Variants in PHACTR4 observed in about 807,000 individuals in gnomAD.
The protein encoded by PHACTR4 is protein phosphatase 1, regulatory subunit 124.
A neutral mutation model predicts 72.7 loss-of-function variants in PHACTR4; 51 were observed. That is an observed-to-expected ratio of 0.70 (90% CI 0.56 to 0.89). The LOEUF is 0.89. PHACTR4 is among the 40% of genes least tolerant of loss of function. The probability of loss-of-function intolerance (pLI) is 0.00; values close to 1 mark genes in which losing one functional copy is unlikely to be tolerated. For synonymous variants in PHACTR4, 255 were observed against 302.5 expected (o/e 0.84, Z 1.63); for missense variants, 731 against 861.8 (o/e 0.85, Z 1.90).
rs935170666 is a variant in PHACTR4 at position 28,476,512 on chromosome 1, G to A, written c.1606+221G>A. On this transcript the variant is annotated intron_variant, in intron 8 of 13. Transcript: ENST00000373839. Reference sequence around the variant, plus strand: ...GGATCCAAGTAGATTGAGTCACTCAGGTTTTAGGTTTTTTGTTTTTTTTTG... The same window carrying A: ...GGATCCAAGTAGATTGAGTCACTCAAGTTTTAGGTTTTTTGTTTTTTTTTG... Among the ~76,000 whole-genome samples, 9 of 150,520 alleles carry A rather than the reference G, an allele frequency of 6.0e-5. No homozygotes were observed. In the Middle Eastern group the frequency reaches 0.01, roughly 172 times the overall value.
intron 4 of PHACTR4, among the ~76,000 whole-genome samples, chr1:28,465,340 G>C (rs1376360113): frequency 6.6e-6 from 1 of 152,022 alleles, no homozygotes; most frequent in Non-Finnish European, 1.5e-5. Context: ...CAGGCGTCTA[G>C]TCCCAGATAC....
At chr1:28,450,647 T>A (rs1269248454) in intron 2 of PHACTR4, among the ~76,000 whole-genome samples, 1 of 152,084 alleles carries the variant, frequency 6.6e-6, no homozygotes, top group Non-Finnish European at 1.5e-5. Context: ...TGAGGCAGGT[T>A]CTCCCTCTGT....
chr1:28,496,523 A>G lies in PHACTR4; in HGVS notation c.2094-11A>G. ...CATGTGGTAACTTGTCTCTTTTTTA[A>G]TCTCTTTTAGCTACCATCGTCCATG... On this transcript the variant is annotated splice_polypyrimidine_tract_variant and intron_variant, in intron 13 of 13. Coordinates refer to ENST00000373839, the MANE Select transcript of PHACTR4 (RefSeq NM_001048183.3). The G allele has an allele frequency of 6.2e-7, 1 of 1,613,740 alleles. No individual in the cohort carries two copies. The highest frequency in any genetic ancestry group is 1.1e-5 in the South Asian group (1 of 91,076).
At chr1:28,404,275 C>CT (rs1654156518) in intron 1 of PHACTR4, among the ~76,000 whole-genome samples, 11 of 123,016 alleles carry the variant, frequency 8.9e-5, no homozygotes, top group African/African-American at 3.7e-4. Flanking sequence ...GTATGAACAT[C>CT]CTTTTTTTTT....
intron 6 of PHACTR4, among the ~76,000 whole-genome samples, chr1:28,469,678 ATC>A (rs146415581): frequency 0.063 from 9,531 of 152,266 alleles, 394 homozygotes; most frequent in Middle Eastern, 0.15. Flanking sequence ...TTCCAAAAAT[ATC>A]TCTTTCACTG....
At chr1:28,370,657 C>T (rs796865584) in intron 1 of PHACTR4, among the ~76,000 whole-genome samples, 1 of 150,426 alleles carries the variant, frequency 6.6e-6, no homozygotes, top group East Asian at 1.9e-4. Flanking sequence ...CTCAGCTCCT[C>T]GCTCCTTCCA....
chr1:28,402,524 G>A (rs1355600771), intron 1 of PHACTR4, among the ~76,000 whole-genome samples: 1 of 152,074 alleles, frequency 6.6e-6, no homozygotes. Flanking sequence ...GGCCAAGATG[G>A]GAGGATCACT....
chr1:28,402,112 AAG>A (rs534769028), intron 1 of PHACTR4, among the ~76,000 whole-genome samples: 1 of 152,302 alleles, frequency 6.6e-6, no homozygotes, highest in East Asian at 1.9e-4. Context: ...CTGTGAGAGA[AAG>A]AGAAGAGTCA....
At chr1:28,476,994 TC>T (rs1454488167) in intron 8 of PHACTR4, among the ~76,000 whole-genome samples, 1 of 151,366 alleles carries the variant, frequency 6.6e-6, no homozygotes, top group African/African-American at 2.4e-5. Flanking sequence ...GGTCTCAAAC[TC>T]CCGACCTCAG....
intron 2 of PHACTR4, among the ~76,000 whole-genome samples, chr1:28,415,474 A>G (rs1164438202): frequency 6.6e-6 from 1 of 152,156 alleles, no homozygotes; most frequent in Non-Finnish European, 1.5e-5. Flanking sequence ...TTCTCCCAAG[A>G]GCATACCAGA....
At chr1:28,396,845 C>CTTTTTTTTTTTTT (rs60578939) in intron 1 of PHACTR4, among the ~76,000 whole-genome samples, 9 of 119,658 alleles carry the variant, frequency 7.5e-5, no homozygotes, top group African/African-American at 1.3e-4. Context: ...TTCTTTCTTT[C>CTTTTTTTTTTTTT]TTTTTTTTTT....
intron 9 of PHACTR4, among the ~76,000 whole-genome samples, chr1:28,486,550 T>A (rs1660655616): frequency 6.6e-6 from 1 of 151,710 alleles, no homozygotes; most frequent in Non-Finnish European, 1.5e-5. Context: ...TTTTGTTTTT[T>A]GTTTTTCCGA....
At chr1:28,383,042 G>A (rs1453114998) in intron 1 of PHACTR4, among the ~76,000 whole-genome samples, 1 of 151,616 alleles carries the variant, frequency 6.6e-6, no homozygotes, top group African/African-American at 2.4e-5. Flanking sequence ...ATCCACCCAC[G>A]TTGGCTTACC....
intron 1 of PHACTR4, among the ~76,000 whole-genome samples, chr1:28,404,276 CTTT>C (rs58454588): frequency 0.016 from 1,579 of 101,408 alleles, 24 homozygotes; most frequent in African/African-American, 0.063. Flanking sequence ...TATGAACATC[CTTT>C]TTTTTTTTTT....
intron 1 of PHACTR4, among the ~76,000 whole-genome samples, chr1:28,400,782 G>C (rs1282580508): frequency 6.6e-6 from 1 of 152,078 alleles, no homozygotes; most frequent in Non-Finnish European, 1.5e-5. Context: ...GTTTCCCTAT[G>C]TTGGCCAGGC....
intron 2 of PHACTR4, among the ~76,000 whole-genome samples, chr1:28,414,974 A>C (rs1192403291): frequency 6.6e-6 from 1 of 152,004 alleles, no homozygotes; most frequent in African/African-American, 2.4e-5. Context: ...TAAAAGAAAA[A>C]ATTAGGCTGG....
At chr1:28,427,293 C>T (rs548424186) in intron 2 of PHACTR4, among the ~76,000 whole-genome samples, 3 of 151,992 alleles carry the variant, frequency 2.0e-5, no homozygotes, top group African/African-American at 7.2e-5. Context: ...CGGGAGGCAG[C>T]GGGATGTGGA....
At chr1:28,418,924 C>T (rs924109462) in intron 2 of PHACTR4, among the ~76,000 whole-genome samples, 2 of 151,124 alleles carry the variant, frequency 1.3e-5, no homozygotes, top group Non-Finnish European at 2.9e-5. Context: ...GCACACCAGC[C>T]TGGGTGACAG....
intron 2 of PHACTR4, among the ~76,000 whole-genome samples, chr1:28,434,659 C>T (rs1000973511): frequency 3.2e-4 from 48 of 152,026 alleles, no homozygotes; most frequent in African/African-American, 1.2e-3. Flanking sequence ...CTCACAATAT[C>T]GTAGAATCAG....
Sources: gnomAD v4.1 joint callset for allele counts (sites outside exome capture counted in the v4.1 genomes callset) on GRCh38, gnomAD v4.1.1 for gene constraint, MANE v1.5 for transcripts, NCBI Gene and HGNC (gene_info 2026-07-23, HGNC 2026-07-21) for gene names.